PCDHGA8: variants seen among roughly 807,000 people sequenced by gnomAD.
PCDHGA8 encodes protocadherin gamma subfamily A, 8.
In PCDHGA8, 45 loss-of-function variants were observed where a neutral mutation model predicts 59.2. The ratio of observed to expected loss-of-function variants is 0.76; its 90% CI spans 0.60 to 0.98. PCDHGA8 has a LOEUF of 0.98. Among genes scored for constraint, PCDHGA8 ranks in the 50% least tolerant of loss-of-function variants. PCDHGA8 has a pLI of 0.00. For missense variants in PCDHGA8, 1,257 were observed against 1,196.2 expected (o/e 1.05, Z -0.75); for synonymous variants, 531 against 519.0 (o/e 1.02, Z -0.32).
chr5:141,432,873 T>G lies in PCDHGA8; in HGVS notation c.2424+37636T>G, dbSNP rs753576338. The stretch of plus-strand genomic sequence containing the variant: ...GTGGCCGCGGTCTCCTGCGTCTTCC[T>G]GGCCTTCGTCATCTTGCTGCTGGCG... On this transcript the variant is annotated intron_variant, in intron 1 of 3. Transcript: ENST00000398604. This position sits in a 1 kb window ranked among gnomAD's most constrained non-coding sequence, Gnocchi z 6.0. 4 of 1,614,204 alleles carry G rather than the reference T, an allele frequency of 2.5e-6. No homozygotes were observed. The highest frequency in any genetic ancestry group is 3.4e-6 in the Non-Finnish European group (4 of 1,180,014).
chr5:141,419,539 G>A, intron 1 of PCDHGA8: 3 of 1,612,058 alleles, frequency 1.9e-6, no homozygotes, highest in Non-Finnish European at 2.5e-6. Flanking sequence ...ACAACGCACC[G>A]CGGGTGCTGT....
rs759220286 is a variant in PCDHGA8 at position 141,490,018 on chromosome 5, C to G, written c.2425-4789C>G. The G allele has an allele frequency of 6.2e-7, 1 of 1,614,252 alleles. No individual in the cohort carries two copies. Among genetic ancestry groups the G allele is most frequent in the Non-Finnish European group, 8.5e-7 (1 of 1,180,038 alleles). ...CCCAGAGAATGCACCCATTGGTACTCTGCTGCTCCGCCTCAATGCCACTGA... is the reference window on the plus strand; with the variant it reads ...CCCAGAGAATGCACCCATTGGTACTGTGCTGCTCCGCCTCAATGCCACTGA... On this transcript the variant is annotated intron_variant, in intron 1 of 3. Transcript: ENST00000398604. This position sits in a 1 kb window ranked among gnomAD's most constrained non-coding sequence, Gnocchi z 5.4.
At chr5:141,472,668 C>T (rs2099292239) in intron 1 of PCDHGA8, among the ~76,000 whole-genome samples, 1 of 151,742 alleles carries the variant, frequency 6.6e-6, no homozygotes, top group African/African-American at 2.4e-5. Context: ...ATCCTGTATA[C>T]TGGTCCTTCC....
chr5:141,422,910 C>T (rs756589496), intron 1 of PCDHGA8: 2 of 1,614,252 alleles, frequency 1.2e-6, no homozygotes, highest in South Asian at 1.1e-5. Context: ...ACAATGCGCC[C>T]GAGATCCTGT....
Position 141,486,087 on chromosome 5 carries a change from T to G in PCDHGA8, c.2425-8720T>G. 4 of 1,614,176 alleles carry G rather than the reference T, an allele frequency of 2.5e-6. No individual in the cohort carries two copies. The highest frequency in any genetic ancestry group is 3.4e-6 in the Non-Finnish European group (4 of 1,180,028). ...CCCACTACTGGAAAGCTTACTCTTT[T>G]GGGGCCCCTAGACTTTGAGAGTGAG... On this transcript the variant is annotated intron_variant, in intron 1 of 3. Coordinates refer to ENST00000398604, the MANE Select transcript of PCDHGA8 (RefSeq NM_032088.2). This position sits in a 1 kb window ranked among gnomAD's most constrained non-coding sequence, Gnocchi z 5.0.
chr5:141,450,150 G>T (rs1314865325), intron 1 of PCDHGA8, among the ~76,000 whole-genome samples: 1 of 150,342 alleles, frequency 6.7e-6, no homozygotes, highest in Non-Finnish European at 1.5e-5. Flanking sequence ...GGGACTACAG[G>T]CATGTGCCAC....
chr5:141,415,603 T>C, intron 1 of PCDHGA8: 6 of 1,613,954 alleles, frequency 3.7e-6, no homozygotes, highest in Non-Finnish European at 5.1e-6. Flanking sequence ...GGATACCCCA[T>C]TGGTTCCAGT....
intron 1 of PCDHGA8, chr5:141,413,362 C>G: frequency 1.2e-6 from 2 of 1,613,988 alleles, no homozygotes; most frequent in South Asian, 1.1e-5. Context: ...GCCCCGGGAG[C>G]TGGCGGAGCG....
Position 141,491,162 on chromosome 5 carries a change from C to T in PCDHGA8, c.2425-3645C>T. 6.2e-7 allele frequency: 1 copy of T among 1,614,112 alleles called. No homozygotes were observed. Among genetic ancestry groups the T allele is most frequent in the Non-Finnish European group, 8.5e-7 (1 of 1,179,952 alleles). On this transcript the variant is annotated intron_variant, in intron 1 of 3. Coordinates refer to ENST00000398604, the MANE Select transcript of PCDHGA8 (RefSeq NM_032088.2). This position sits in a 1 kb window ranked among gnomAD's most constrained non-coding sequence, Gnocchi z 6.9. ...GCCTTACTGGAGGATGACTCTGACA[C>T]CCAGCAGGTGGTGGTCCTGGTGAGG...
At chr5:141,400,232 C>CT (rs1207022796) in intron 1 of PCDHGA8, 6 of 1,613,914 alleles carry the variant, frequency 3.7e-6, no homozygotes, top group African/African-American at 1.3e-5. Context: ...TTCCTCCTGG[C>CT]CGTGATTCTG....
At position 141,403,569 on chromosome 5, in the gene PCDHGA8, C is replaced by A. The variant is rs1206497487; in HGVS notation, c.2424+8332C>A. On this transcript the variant is annotated intron_variant, in intron 1 of 3. Transcript: ENST00000398604. The stretch of plus-strand genomic sequence containing the variant: ...CGCGCCCTGGACAGGGAGGAGGCAA[C>A]TGCCCACCACCTGGTCCTCACGGCC... The A allele has an allele frequency of 5.6e-6, 9 of 1,613,828 alleles. No homozygotes were observed. The Admixed American group carries it at 6.7e-5, about 12-fold the overall frequency.
intron 1 of PCDHGA8, among the ~76,000 whole-genome samples, chr5:141,479,979 T>C (rs67253891): frequency 0.061 from 9,352 of 152,266 alleles, 334 homozygotes; most frequent in South Asian, 0.12. Context: ...GTTCTACCAT[T>C]TACCAACTAG....
At chr5:141,418,308 T>G in intron 1 of PCDHGA8, 6 of 1,613,946 alleles carry the variant, frequency 3.7e-6, no homozygotes, top group Non-Finnish European at 5.1e-6. Flanking sequence ...AGCCTGGGGA[T>G]GGGAACAATT....
chr5:141,433,564 G>A (rs1380905062), intron 1 of PCDHGA8, among the ~76,000 whole-genome samples: 1 of 152,042 alleles, frequency 6.6e-6, no homozygotes, highest in Non-Finnish European at 1.5e-5. Flanking sequence ...GGCTGGGCGC[G>A]GTGGCTCACG....
chr5:141,400,337 C>G (rs752660585), intron 1 of PCDHGA8: 7 of 1,614,080 alleles, frequency 4.3e-6, no homozygotes, highest in African/African-American at 2.7e-5. Flanking sequence ...GTGGTTCCCC[C>G]CAACTACAGT....
At chr5:141,418,823 A>G (rs985060966) in intron 1 of PCDHGA8, 7 of 1,613,868 alleles carry the variant, frequency 4.3e-6, no homozygotes, top group Admixed American at 3.3e-5. Context: ...CATAGAAGCA[A>G]AAGACCGAGG....
rs1298454674 is a variant in PCDHGA8, at chr5:141,438,625, TATATATATATAC to T, written c.2424+43390_2424+43401del. 7.7e-3 allele frequency among the ~76,000 whole-genome samples: 357 copies of T among 46,390 alleles called. 5 individuals are homozygous for T. The East Asian group carries it at 0.082, about 11-fold the overall frequency. 30.4% of individuals were successfully genotyped at this position (46,390 alleles called of 152,430 possible). A position where few individuals can be genotyped will look rare whatever the true frequency, so the allele number is the denominator to read the frequency against. On this transcript the variant is annotated intron_variant, in intron 1 of 3. Transcript: ENST00000398604. ...ATATATATATATATATATATATATATATATATATATACACACACACACACACATATATGTATA... is the reference window on the plus strand; with the variant it reads ...ATATATATATATATATATATATATATACACACACACACACATATATGTATA...
In PCDHGA8 at chr5:141,476,182, G is replaced by A. The variant is rs369561139; in HGVS notation, c.2425-18625G>A. On this transcript the variant is annotated intron_variant, in intron 1 of 3. Coordinates refer to ENST00000398604, the MANE Select transcript of PCDHGA8 (RefSeq NM_032088.2). This position sits in a 1 kb window ranked among gnomAD's most constrained non-coding sequence, Gnocchi z 7.6. ...GGAGGGTAGTGGGAGTTTTGCTTCT[G>A]CTTGGTGCCTTGAACAAGGCTTCCA... 5 of 1,613,554 alleles carry A rather than the reference G, an allele frequency of 3.1e-6. No homozygotes were observed. Among genetic ancestry groups the A allele is most frequent in the Admixed American group, 1.7e-5 (1 of 59,996 alleles).
intron 1 of PCDHGA8, chr5:141,405,172 T>G: frequency 1.2e-6 from 2 of 1,614,092 alleles, no homozygotes; most frequent in African/African-American, 2.7e-5. Flanking sequence ...CCTCACACTT[T>G]GTGGGTGTAG....
Sources: allele counts gnomAD v4.1 joint callset (sites outside exome capture counted in the v4.1 genomes callset), GRCh38; gene constraint gnomAD v4.1.1; non-coding constraint Gnocchi (gnomAD v3.1); transcripts MANE v1.5; gene names NCBI Gene and HGNC (gene_info 2026-07-23, HGNC 2026-07-21).